Variants in CADPS observed in about 807,000 individuals in gnomAD.
CADPS encodes calcium dependent secretion activator.
In CADPS, 57 loss-of-function variants were observed where a neutral mutation model predicts 167.3. The observed-to-expected ratio is 0.34, with a 90% CI of 0.28 to 0.42. The LOEUF (loss-of-function observed/expected upper bound fraction) is 0.42, where lower values mean the gene tolerates loss of function less well. Among genes scored for constraint, CADPS ranks in the 20% least tolerant of loss-of-function variants. The pLI is 1.00. For missense variants in CADPS, 1,414 were observed against 1,738.1 expected (o/e 0.81, Z 3.32); for synonymous variants, 676 against 635.3 (o/e 1.06, Z -0.96).
intron 6 of CADPS, chr3:62,625,871 T>TA (rs2063985694): frequency 6.6e-6 from 1 of 151,094 alleles, no homozygotes; most frequent in Non-Finnish European, 1.5e-5. Flanking sequence ...TTTACTTTTT[T>TA]ATATTCACTA....
At chr3:62,597,188 G>C (rs572326759) in intron 6 of CADPS, among the ~76,000 whole-genome samples, 2 of 152,136 alleles carry the variant, frequency 1.3e-5, no homozygotes, top group African/African-American at 2.4e-5. Context: ...AAAAAACAAA[G>C]TAAAATAATT....
intron 6 of CADPS, among the ~76,000 whole-genome samples, chr3:62,618,197 T>G (rs1331227425): frequency 6.6e-6 from 1 of 152,062 alleles, no homozygotes. Context: ...CCAGCTTGCC[T>G]CCATGAGGAG....
rs536790474 is a variant in CADPS, at chr3:62,581,524, A to T, written c.1577+3661T>A. Among the ~76,000 whole-genome samples, 210 of 150,364 alleles carry T rather than the reference A, an allele frequency of 1.4e-3. 3 individuals carry two copies. The highest frequency in any genetic ancestry group is 4.1e-3 in the African/African-American group (166 of 40,924). ...AGATCCCACCTCTACAAATTTTTTT[A>T]AAAAAACTTAGCTGGGCGTGGTGGT... is the stretch of plus-strand genomic sequence containing the variant. On this transcript the variant is annotated intron_variant, in intron 8 of 29. Coordinates refer to ENST00000383710, the MANE Select transcript of CADPS (RefSeq NM_003716.4).
chr3:62,813,003 G>A (rs187951856), intron 1 of CADPS, among the ~76,000 whole-genome samples: 106 of 151,978 alleles, frequency 7.0e-4, no homozygotes, highest in Middle Eastern at 3.4e-3. Flanking sequence ...CCATACTCAC[G>A]GATTAGAAGA....
chr3:62,534,897 G>C (rs1029147146), intron 12 of CADPS, among the ~76,000 whole-genome samples: 4 of 152,108 alleles, frequency 2.6e-5, no homozygotes, highest in Non-Finnish European at 1.5e-5. Flanking sequence ...ATAATTTTAA[G>C]CCTATAAGTA....
intron 1 of CADPS, among the ~76,000 whole-genome samples, chr3:62,801,641 C>A (rs76298197): frequency 1.3e-5 from 2 of 152,044 alleles, no homozygotes; most frequent in African/African-American, 4.8e-5. Flanking sequence ...TATTAATAAC[C>A]ATAATAGTAG....
intron 26 of CADPS, among the ~76,000 whole-genome samples, chr3:62,457,708 G>A (rs1458133302): frequency 6.6e-6 from 1 of 152,080 alleles, no homozygotes; most frequent in Admixed American, 6.5e-5. Context: ...ATGATAGAGT[G>A]GATAAAGAAA....
intron 3 of CADPS, among the ~76,000 whole-genome samples, chr3:62,697,305 T>C (rs2080490541): frequency 6.6e-6 from 1 of 152,040 alleles, no homozygotes; most frequent in African/African-American, 2.4e-5. Context: ...ATTGTGTAAT[T>C]CTTATGCCTT....
intron 2 of CADPS, among the ~76,000 whole-genome samples, chr3:62,758,567 T>C (rs894245928): frequency 1.3e-4 from 20 of 152,238 alleles, no homozygotes; most frequent in African/African-American, 4.1e-4. Flanking sequence ...CTAAAACAAC[T>C]ATTCAAACTC....
intron 6 of CADPS, among the ~76,000 whole-genome samples, chr3:62,643,626 A>G (rs544129402): frequency 6.6e-6 from 1 of 152,358 alleles, no homozygotes; most frequent in South Asian, 2.1e-4. Context: ...CTCATGATTT[A>G]CCCTGGTAAC....
chr3:62,461,490 G>C (rs535693937), intron 26 of CADPS, among the ~76,000 whole-genome samples: 1 of 151,962 alleles, frequency 6.6e-6, no homozygotes, highest in Admixed American at 6.6e-5. Flanking sequence ...CATAGTTCTC[G>C]GGCTTTCCAC....
At chr3:62,531,511 T>C (rs2073680304) in intron 13 of CADPS, among the ~76,000 whole-genome samples, 1 of 152,058 alleles carries the variant, frequency 6.6e-6, no homozygotes, top group Non-Finnish European at 1.5e-5. Flanking sequence ...ACATCAGTGC[T>C]AGAAGGAGGA....
At chr3:62,756,846 G>A (rs1024796388) in intron 2 of CADPS, among the ~76,000 whole-genome samples, 1 of 152,162 alleles carries the variant, frequency 6.6e-6, no homozygotes, top group African/African-American at 2.4e-5. Context: ...GGCTGGGGGT[G>A]ACAGATGTAA....
chr3:62,827,587 C>G (rs894512810), intron 1 of CADPS, among the ~76,000 whole-genome samples: 4 of 151,862 alleles, frequency 2.6e-5, no homozygotes, highest in Non-Finnish European at 5.9e-5. Context: ...GTATGTTCTG[C>G]AGATTTTCCA....
At chr3:62,722,373 A>T (rs1300466826) in intron 3 of CADPS, among the ~76,000 whole-genome samples, 3 of 152,248 alleles carry the variant, frequency 2.0e-5, no homozygotes, top group African/African-American at 7.2e-5. Context: ...TATGGAGGAC[A>T]GTGGCCACAG....
intron 29 of CADPS, among the ~76,000 whole-genome samples, chr3:62,401,517 G>T (rs571404827): frequency 6.6e-6 from 1 of 152,232 alleles, no homozygotes; most frequent in Non-Finnish European, 1.5e-5. Context: ...GTGAATAAAT[G>T]AAGTGGCTGT....
chr3:62,722,976 TC>T (rs939751798), intron 3 of CADPS, among the ~76,000 whole-genome samples: 5 of 152,152 alleles, frequency 3.3e-5, no homozygotes, highest in Non-Finnish European at 7.3e-5. Context: ...GGTGGTGGTG[TC>T]AAAATTGCCC....
intron 10 of CADPS, among the ~76,000 whole-genome samples, chr3:62,556,045 C>T (rs1317324925): frequency 6.6e-6 from 1 of 152,128 alleles, no homozygotes; most frequent in African/African-American, 2.4e-5. Context: ...CCCTAGCCTT[C>T]TACTTAAAAA....
At chr3:62,670,580 G>C (rs1419117953) in intron 3 of CADPS, among the ~76,000 whole-genome samples, 2 of 152,024 alleles carry the variant, frequency 1.3e-5, no homozygotes, top group South Asian at 2.1e-4. Context: ...TGCTGTATTT[G>C]AGTCACCAGT....
Sources: gnomAD v4.1 joint callset for allele counts (sites outside exome capture counted in the v4.1 genomes callset) on GRCh38, gnomAD v4.1.1 for gene constraint, MANE v1.5 for transcripts, NCBI Gene and HGNC (gene_info 2026-07-23, HGNC 2026-07-21) for gene names.